The following TRABD2B variants were observed in gnomAD, a reference collection of about 807,000 sequenced individuals.
TRABD2B encodes TraB domain containing 2B, also known as metalloprotease TIKI2.
In TRABD2B, 14 loss-of-function variants were observed where a neutral mutation model predicts 40.1. The ratio of observed to expected loss-of-function variants is 0.35; its 90% CI spans 0.23 to 0.55. TRABD2B has a LOEUF of 0.55. Ranked by LOEUF, TRABD2B falls within the 20% of genes least tolerant of loss-of-function variation. The probability of loss-of-function intolerance (pLI) is 0.90; values close to 1 mark genes in which losing one functional copy is unlikely to be tolerated. For missense variants in TRABD2B, 541 were observed against 648.6 expected (o/e 0.83, Z 1.80); for synonymous variants, 263 against 277.0 (o/e 0.95, Z 0.50).
chr1:47,946,935 GTT>G (rs34820685), intron 2 of TRABD2B, among the ~76,000 whole-genome samples: 45 of 148,672 alleles, frequency 3.0e-4, no homozygotes, highest in African/African-American at 7.1e-4. Flanking sequence ...GTAAGACTAG[GTT>G]TTTTTTTTTT....
intron 2 of TRABD2B, among the ~76,000 whole-genome samples, chr1:47,975,711 C>T (rs556233956): frequency 9.2e-5 from 14 of 152,272 alleles, no homozygotes; most frequent in Admixed American, 2.0e-4. Flanking sequence ...TGTCCTAGAG[C>T]GGCAAACACA....
intron 2 of TRABD2B, among the ~76,000 whole-genome samples, chr1:47,904,410 C>T (rs1644648325): frequency 6.6e-6 from 1 of 152,172 alleles, no homozygotes; most frequent in Non-Finnish European, 1.5e-5. Flanking sequence ...GTTCCTTTCC[C>T]ATCCTGGGGC....
At chr1:47,776,928 C>T (rs961494414) in intron 5 of TRABD2B, among the ~76,000 whole-genome samples, 9 of 152,294 alleles carry the variant, frequency 5.9e-5, no homozygotes, top group African/African-American at 2.2e-4. Context: ...AAAGCTAGAT[C>T]CAGGAAGCAC....
At chr1:47,905,945 G>A (rs939134297) in intron 2 of TRABD2B, among the ~76,000 whole-genome samples, 20 of 152,118 alleles carry the variant, frequency 1.3e-4, no homozygotes, top group Non-Finnish European at 1.3e-4. Context: ...TGCACCTGCC[G>A]CTCTTAACCC....
At chr1:47,832,612 C>T (rs1645265990) in intron 2 of TRABD2B, among the ~76,000 whole-genome samples, 1 of 152,174 alleles carries the variant, frequency 6.6e-6, no homozygotes. Context: ...TGAAGGGCTG[C>T]ACTGTGACTA....
chr1:47,781,703 T>A (rs144574189), intron 4 of TRABD2B, among the ~76,000 whole-genome samples: 46 of 152,332 alleles, frequency 3.0e-4, no homozygotes, highest in African/African-American at 5.5e-4. Flanking sequence ...GCAGGGAGAA[T>A]GGTCACCTCC....
At chr1:47,848,646 T>A (rs1305459263) in intron 2 of TRABD2B, among the ~76,000 whole-genome samples, 1 of 152,166 alleles carries the variant, frequency 6.6e-6, no homozygotes, top group Non-Finnish European at 1.5e-5. Context: ...ACGAGGAAAC[T>A]GAGGGCTGCA....
chr1:47,804,196 C>G (rs932635253), intron 2 of TRABD2B, among the ~76,000 whole-genome samples: 40 of 152,352 alleles, frequency 2.6e-4, no homozygotes, highest in African/African-American at 9.6e-4. Context: ...AAAACTCCAC[C>G]TCTGGGCCTT....
intron 2 of TRABD2B, among the ~76,000 whole-genome samples, chr1:47,899,177 G>C (rs1394110724): frequency 6.6e-6 from 1 of 152,142 alleles, no homozygotes; most frequent in Non-Finnish European, 1.5e-5. Flanking sequence ...TCCACTCCAG[G>C]TGGGGGTTCT....
At chr1:47,766,687 C>G (rs1009562849) in intron 6 of TRABD2B, among the ~76,000 whole-genome samples, 2 of 152,140 alleles carry the variant, frequency 1.3e-5, no homozygotes, top group African/African-American at 4.8e-5. Flanking sequence ...AACTGAGGCT[C>G]AGAGAGGCTG....
intron 2 of TRABD2B, among the ~76,000 whole-genome samples, chr1:47,836,387 T>C (rs931092184): frequency 1.3e-5 from 2 of 152,240 alleles, no homozygotes; most frequent in African/African-American, 4.8e-5. Flanking sequence ...GGCCTGAATC[T>C]TGCCCCTCAG....
intron 2 of TRABD2B, among the ~76,000 whole-genome samples, chr1:47,882,687 A>T (rs1445377194): frequency 6.6e-6 from 1 of 152,136 alleles, no homozygotes. Context: ...TGGCCTTAAC[A>T]GGAGAGCTCT....
intron 6 of TRABD2B, 76 bp from the exon 7 acceptor site, chr1:47,766,182 G>A (rs1052225802): frequency 1.4e-4 from 98 of 683,022 alleles, no homozygotes; most frequent in Middle Eastern, 1.1e-3. Context: ...GCTCAGATCT[G>A]ATTTTTTCAG....
chr1:47,983,738 AC>A (rs1245830405), intron 2 of TRABD2B, among the ~76,000 whole-genome samples: 3 of 136,144 alleles, frequency 2.2e-5, no homozygotes, highest in African/African-American at 8.6e-5. Context: ...GAGCTCAGTA[AC>A]CACACTGGCA....
chr1:47,787,204 A>C (rs1198818926), intron 4 of TRABD2B, among the ~76,000 whole-genome samples: 2 of 152,104 alleles, frequency 1.3e-5, no homozygotes, highest in African/African-American at 4.8e-5. Context: ...GCATCAGGGA[A>C]ATTTCAACTG....
At chr1:47,880,106 T>C (rs762713256) in intron 2 of TRABD2B, among the ~76,000 whole-genome samples, 1 of 152,174 alleles carries the variant, frequency 6.6e-6, no homozygotes, top group Admixed American at 6.5e-5. Flanking sequence ...GGTGAGGAGT[T>C]TGACACCAGC....
Position 47,997,321 on chromosome 1 carries a change from GGCGGCCGC to G in TRABD2B, c.-540_-533del, listed in dbSNP as rs1206299447. ...CCGAGCCCGGCTCAGAGGGGCGGCG[GGCGGCCGC>G]GCGGCCGCTGCCCGGGCTCCGCCAT... On this transcript the variant is annotated 5_prime_UTR_variant, in exon 1 of 7. An upstream open reading frame in the 5' UTR loses its in-frame stop. Transcript: ENST00000606738. 3 of 653,848 alleles carry G rather than the reference GGCGGCCGC, an allele frequency of 4.6e-6. No individual in the cohort carries two copies. Among genetic ancestry groups the G allele is most frequent in the African/African-American group, 2.0e-5 (1 of 49,452 alleles). 40.5% of individuals were successfully genotyped at this position (653,848 alleles called of 1,614,324 possible). A position where few individuals can be genotyped will look rare whatever the true frequency, so the allele number is the denominator to read the frequency against.
intron 3 of TRABD2B, among the ~76,000 whole-genome samples, chr1:47,800,008 ATTCCTTCCTTCC>A (rs10558762): frequency 4.6e-5 from 7 of 150,976 alleles, no homozygotes; most frequent in African/African-American, 1.5e-4. Context: ...AAACTATTTC[ATTCCTTCCTTCC>A]TTCCTTCCTT....
intron 2 of TRABD2B, among the ~76,000 whole-genome samples, chr1:47,915,487 C>A (rs1337617443): frequency 6.6e-6 from 1 of 152,206 alleles, no homozygotes; most frequent in Admixed American, 6.5e-5. Context: ...TCCCATCCCA[C>A]TAACAGGCTG....
Sources: allele counts gnomAD v4.1 joint callset (sites outside exome capture counted in the v4.1 genomes callset), GRCh38; gene constraint gnomAD v4.1.1; transcripts MANE v1.5; gene names NCBI Gene and HGNC (gene_info 2026-07-23, HGNC 2026-07-21).